Variants in DGKI observed in about 807,000 individuals in gnomAD.
The protein encoded by DGKI is diacylglycerol kinase iota, also known as DAG kinase iota.
A neutral mutation model predicts 147.5 loss-of-function variants in DGKI; 55 were observed. The ratio of observed to expected loss-of-function variants is 0.37; its 90% CI spans 0.30 to 0.47. The LOEUF (loss-of-function observed/expected upper bound fraction) is 0.47. DGKI is among the 20% of genes least tolerant of loss of function. The pLI, the probability that DGKI is intolerant of heterozygous loss-of-function variation, is 1.00. For synonymous variants in DGKI, 469 were observed against 477.1 expected (o/e 0.98, Z 0.22); for missense variants, 1,007 against 1,323.8 (o/e 0.76, Z 3.71).
At chr7:137,705,212 C>T (rs996885675) in intron 1 of DGKI, among the ~76,000 whole-genome samples, 1 of 151,850 alleles carries the variant, frequency 6.6e-6, no homozygotes, top group Non-Finnish European at 1.5e-5. Flanking sequence ...TGCACTTAAA[C>T]ATAAATATGC....
chr7:137,397,313 A>G, intron 31 of DGKI, 64 bp downstream of exon 31: 1 of 1,477,674 alleles, frequency 6.8e-7, no homozygotes, highest in Non-Finnish European at 9.3e-7. Flanking sequence ...TATAGATTAC[A>G]TTCTTCTCCC....
intron 28 of DGKI, 31 bp downstream of exon 28, chr7:137,444,046 A>G: frequency 6.5e-7 from 1 of 1,544,240 alleles, no homozygotes. Context: ...TTCAATCCTG[A>G]ATTGGTATAA....
chr7:137,748,906 C>A (rs1795420762), intron 1 of DGKI, among the ~76,000 whole-genome samples: 1 of 152,124 alleles, frequency 6.6e-6, no homozygotes, highest in Admixed American at 6.5e-5. Flanking sequence ...TTACTGGTTT[C>A]TTTCAATAAA....
intron 9 of DGKI, 77 bp downstream of exon 9, chr7:137,609,458 G>T: frequency 9.0e-7 from 1 of 1,110,522 alleles, no homozygotes; most frequent in South Asian, 1.4e-5. Flanking sequence ...AAATCAACTT[G>T]GACCAGATCT....
In DGKI at chr7:137,642,928, T is replaced by TTGTGTGTG. The variant is rs1211795511; in HGVS notation, c.804+2543_804+2544insCACACACA. On this transcript the variant is annotated intron_variant, in intron 6 of 32. Transcript: ENST00000614521. ...CCATCCCAATGAGTAAATTATGGAA[T>TTGTGTGTG]AGTGTGTGTGTGTGTGTGTGTGTGT... Among the ~76,000 whole-genome samples the TTGTGTGTG allele has an allele frequency of 5.7e-3, 262 of 46,192 alleles. 1 individual carries two copies. Among genetic ancestry groups the TTGTGTGTG allele is most frequent in the South Asian group, 0.053 (56 of 1,048 alleles). 30.3% of individuals were successfully genotyped at this position (46,192 alleles called of 152,430 possible). A position where few individuals can be genotyped will look rare whatever the true frequency, so the allele number is the denominator to read the frequency against.
intron 1 of DGKI, among the ~76,000 whole-genome samples, chr7:137,696,431 CTTTTTTTTTTTT>C (rs10609322): frequency 0.022 from 792 of 36,702 alleles, 6 homozygotes; most frequent in Non-Finnish European, 0.029. Context: ...GCCCAAAAGA[CTTTTTTTTTTTT>C]TTTTTTTTTT....
chr7:137,421,593 TCAC>T (rs1812573466), intron 28 of DGKI, among the ~76,000 whole-genome samples: 1 of 152,240 alleles, frequency 6.6e-6, no homozygotes, highest in Non-Finnish European at 1.5e-5. Flanking sequence ...CTTCTTTTAT[TCAC>T]CACTGGAATT....
chr7:137,542,273 C>T (rs1723454083), intron 20 of DGKI, among the ~76,000 whole-genome samples: 1 of 152,108 alleles, frequency 6.6e-6, no homozygotes, highest in South Asian at 2.1e-4. Context: ...ACATGTTTAA[C>T]CTAGAGACAT....
chr7:137,591,179 T>C (rs1181869429), intron 12 of DGKI, among the ~76,000 whole-genome samples: 1 of 152,238 alleles, frequency 6.6e-6, no homozygotes, highest in Non-Finnish European at 1.5e-5. Flanking sequence ...AAAGGACAAG[T>C]ACACAGTGTG....
At chr7:137,505,336 T>C (rs1918836) in intron 21 of DGKI, among the ~76,000 whole-genome samples, 152,230 of 152,232 alleles carry the variant, frequency 1, 76,114 homozygotes, top group Middle Eastern at 1. Context: ...GCTCAACCTT[T>C]GTCTCAGCAA....
At chr7:137,427,901 A>C (rs183094967) in intron 28 of DGKI, among the ~76,000 whole-genome samples, 52,088 of 150,562 alleles carry the variant, frequency 0.35, 9,805 homozygotes, top group East Asian at 0.65. Context: ...AAATTGTGGC[A>C]ATAATCAATA....
intron 32 of DGKI, 93 bp downstream of exon 32, chr7:137,395,505 A>G (rs1286597328): frequency 1.7e-6 from 2 of 1,192,236 alleles, no homozygotes; most frequent in Non-Finnish European, 2.5e-6. Context: ...CCATAAGCAC[A>G]GAAAGGATGT....
At chr7:137,839,754 C>T (rs1798493113) in intron 1 of DGKI, among the ~76,000 whole-genome samples, 1 of 152,150 alleles carries the variant, frequency 6.6e-6, no homozygotes, top group Non-Finnish European at 1.5e-5. Flanking sequence ...CAACATCTAA[C>T]AAAAGCCAGG....
At position 137,757,661 on chromosome 7, in the gene DGKI, GA is replaced by G. The variant is rs1380478121; in HGVS notation, c.402-67660del. ...GTCCCTCCACCTCTACTTCCTATTA[GA>G]AAAAAAAATTACTCAAGCCAGAACC... On this transcript the variant is annotated intron_variant, in intron 1 of 32. Coordinates refer to ENST00000614521, the MANE Select transcript of DGKI (RefSeq NM_001321708.2). 2.0e-5 allele frequency among the ~76,000 whole-genome samples: 3 copies of G among 151,242 alleles called. No individual in the cohort carries two copies. The East Asian group carries it at 5.8e-4, about 29-fold the overall frequency.
chr7:137,570,126 T>C (rs997534260), intron 19 of DGKI, among the ~76,000 whole-genome samples: 11 of 152,176 alleles, frequency 7.2e-5, no homozygotes, highest in African/African-American at 2.7e-4. Flanking sequence ...TTCTTTCTTT[T>C]ATGCATAAGG....
At chr7:137,678,148 C>G (rs1474557061) in intron 3 of DGKI, among the ~76,000 whole-genome samples, 1 of 152,120 alleles carries the variant, frequency 6.6e-6, no homozygotes, top group Non-Finnish European at 1.5e-5. Flanking sequence ...TCCACCTTCA[C>G]CCACCAGTAA....
intron 21 of DGKI, among the ~76,000 whole-genome samples, chr7:137,507,229 G>C (rs1427881096): frequency 6.6e-6 from 1 of 152,180 alleles, no homozygotes; most frequent in Admixed American, 6.5e-5. Flanking sequence ...TAGTCCTTAC[G>C]ATTAAAAGTA....
chr7:137,393,787 C>T (rs1811449799), intron 32 of DGKI, among the ~76,000 whole-genome samples: 1 of 152,120 alleles, frequency 6.6e-6, no homozygotes, highest in Admixed American at 6.5e-5. Flanking sequence ...AGCAAGGGTG[C>T]TCATGGGTTG....
intron 20 of DGKI, among the ~76,000 whole-genome samples, chr7:137,533,104 T>C (rs1272697683): frequency 6.6e-6 from 1 of 151,982 alleles, no homozygotes; most frequent in Non-Finnish European, 1.5e-5. Context: ...CCTGAAAACA[T>C]AGTGAGATCA....
Sources: gnomAD v4.1 joint callset for allele counts (sites outside exome capture counted in the v4.1 genomes callset) on GRCh38, gnomAD v4.1.1 for gene constraint, MANE v1.5 for transcripts, NCBI Gene and HGNC (gene_info 2026-07-23, HGNC 2026-07-21) for gene names.